Variants in USP46 observed in about 807,000 individuals in gnomAD.
USP46 encodes the protein ubiquitin carboxyl-terminal hydrolase 46.
A neutral mutation model predicts 44.4 loss-of-function variants in USP46; 12 were observed. The ratio of observed to expected loss-of-function variants is 0.27; its 90% CI spans 0.17 to 0.44. The LOEUF (loss-of-function observed/expected upper bound fraction) is 0.44, where lower values mean the gene tolerates loss of function less well. Among genes scored for constraint, USP46 ranks in the 20% least tolerant of loss-of-function variants. USP46 has a pLI of 1.00. For synonymous variants in USP46, 155 were observed against 161.5 expected (o/e 0.96, Z 0.31); for missense variants, 248 against 444.8 (o/e 0.56, Z 3.98).
At chr4:52,638,542 T>G (rs1471416208) in intron 1 of USP46, among the ~76,000 whole-genome samples, 1 of 151,524 alleles carries the variant, frequency 6.6e-6, no homozygotes, top group Non-Finnish European at 1.5e-5. Flanking sequence ...TCCCCACTCA[T>G]AGCATCCTGT....
At chr4:52,619,117 G>A (rs893751285) in intron 4 of USP46, among the ~76,000 whole-genome samples, 2 of 152,176 alleles carry the variant, frequency 1.3e-5, no homozygotes, top group Non-Finnish European at 1.5e-5. Flanking sequence ...CAAGGCTACA[G>A]TGGAAAATCC....
Position 52,596,240 on chromosome 4 carries a change from T to C in USP46, c.*1400A>G, listed in dbSNP as rs1716232961. On this transcript the variant is annotated 3_prime_UTR_variant, in exon 9 of 9. Transcript: ENST00000441222. The stretch of plus-strand genomic sequence containing the variant: ...TGCCCAAAGTTTGCATGTTCATCAG[T>C]GGATGCATTAGGTAACAAAAATATG... The C allele has an allele frequency of 2.0e-5, 3 of 152,662 alleles. No homozygotes were observed. The highest frequency in any genetic ancestry group is 2.1e-4 in the South Asian group (1 of 4,836). 9.5% of individuals were successfully genotyped at this position (152,662 alleles called of 1,614,324 possible).
At chr4:52,633,577 C>T (rs943126882) in intron 1 of USP46, among the ~76,000 whole-genome samples, 2 of 152,142 alleles carry the variant, frequency 1.3e-5, no homozygotes, top group African/African-American at 4.8e-5. Flanking sequence ...CATAACCATT[C>T]TTCAAGCAAA....
chr4:52,657,601 A>T (rs1719003312), intron 1 of USP46, among the ~76,000 whole-genome samples: 1 of 152,218 alleles, frequency 6.6e-6, no homozygotes, highest in Non-Finnish European at 1.5e-5. Context: ...TCCCTCAGGA[A>T]CTGGTCGTAG....
intron 3 of USP46, among the ~76,000 whole-genome samples, chr4:52,627,012 G>A (rs923069949): frequency 1.3e-5 from 2 of 152,230 alleles, no homozygotes; most frequent in Non-Finnish European, 2.9e-5. Context: ...GAAGGGAGAT[G>A]AGGGTATGTG....
intron 2 of USP46, 112 bp from the exon 3 acceptor site, chr4:52,628,275 T>C (rs569777227): frequency 1.4e-5 from 14 of 974,250 alleles, no homozygotes; most frequent in African/African-American, 1.2e-4. Context: ...TGGATGTCCC[T>C]GTATTGGAGT....
At chr4:52,637,814 A>G (rs1408739810) in intron 1 of USP46, among the ~76,000 whole-genome samples, 2 of 151,862 alleles carry the variant, frequency 1.3e-5, no homozygotes, top group Non-Finnish European at 2.9e-5. Flanking sequence ...GCTGTTTCCA[A>G]CCTCATCTCC....
chr4:52,600,106 T>TA (rs1464607404), intron 7 of USP46, among the ~76,000 whole-genome samples: 1 of 152,124 alleles, frequency 6.6e-6, no homozygotes, highest in Non-Finnish European at 1.5e-5. Context: ...TTTTTGGGGG[T>TA]AGCAGGGTGG....
At chr4:52,633,645 G>C (rs1343152869) in intron 1 of USP46, among the ~76,000 whole-genome samples, 1 of 152,182 alleles carries the variant, frequency 6.6e-6, no homozygotes, top group Non-Finnish European at 1.5e-5. Flanking sequence ...TATAGCACAT[G>C]GAGAGAGATA....
At chr4:52,653,430 A>G (rs1465174502) in intron 1 of USP46, among the ~76,000 whole-genome samples, 3 of 147,920 alleles carry the variant, frequency 2.0e-5, no homozygotes, top group African/African-American at 7.5e-5. Context: ...ACTTGAATCC[A>G]GGAGGCAGAG....
rs1266825657 is a variant in USP46 at position 52,625,956 on chromosome 4, A to T, written c.561+62T>A. 2.1e-6 allele frequency: 3 copies of T among 1,449,766 alleles called. No individual in the cohort carries two copies. The African/African-American group carries it at 4.2e-5, about 21-fold the overall frequency. 89.8% of individuals were successfully genotyped at this position (1,449,766 alleles called of 1,614,324 possible). Reference sequence around the variant, plus strand: ...TGCTATAATACGACATTGCAATCACATGCAACATAGCGTACATAAATATGA... The same window carrying T: ...TGCTATAATACGACATTGCAATCACTTGCAACATAGCGTACATAAATATGA... On this transcript the variant is annotated intron_variant, in intron 4 of 8. Transcript: ENST00000441222.
intron 1 of USP46, among the ~76,000 whole-genome samples, chr4:52,633,057 T>C (rs1436172075): frequency 6.6e-6 from 1 of 151,844 alleles, no homozygotes; most frequent in African/African-American, 2.4e-5. Context: ...TTTTTAAAAA[T>C]TGATCTGCTG....
At chr4:52,645,721 C>T (rs1431276843) in intron 1 of USP46, among the ~76,000 whole-genome samples, 2 of 152,154 alleles carry the variant, frequency 1.3e-5, no homozygotes, top group African/African-American at 4.8e-5. Context: ...AATCCTAGGT[C>T]AAAGAGGCCT....
intron 4 of USP46, among the ~76,000 whole-genome samples, chr4:52,617,779 G>T (rs1717218064): frequency 6.6e-6 from 1 of 152,060 alleles, no homozygotes; most frequent in South Asian, 2.1e-4. Flanking sequence ...TGCCAGAAAA[G>T]AAAACCATTT....
At chr4:52,651,561 C>T (rs1434796525) in intron 1 of USP46, among the ~76,000 whole-genome samples, 1 of 152,072 alleles carries the variant, frequency 6.6e-6, no homozygotes, top group Non-Finnish European at 1.5e-5. Flanking sequence ...AGTAATTCCA[C>T]CAGTATATAT....
intron 1 of USP46, among the ~76,000 whole-genome samples, chr4:52,642,469 C>T (rs1211323499): frequency 6.6e-6 from 1 of 152,180 alleles, no homozygotes; most frequent in African/African-American, 2.4e-5. Flanking sequence ...AATATTGACT[C>T]TCAGGGAGGC....
intron 8 of USP46, 23 bp downstream of exon 8, chr4:52,598,605 T>C (rs553899320): frequency 4.4e-6 from 7 of 1,598,966 alleles, no homozygotes; most frequent in Middle Eastern, 1.7e-4. Flanking sequence ...CTATGACTAC[T>C]GGAGAATAAT....
chr4:52,640,711 C>A (rs1718305673), intron 1 of USP46, among the ~76,000 whole-genome samples: 1 of 149,748 alleles, frequency 6.7e-6, no homozygotes, highest in Non-Finnish European at 1.5e-5. Context: ...GAGACTGAGG[C>A]AGGGGAATTG....
Position 52,591,136 on chromosome 4 carries a change from C to A in USP46, c.*6504G>T, listed in dbSNP as rs1715992222. The A allele has an allele frequency of 6.6e-6, 1 of 152,202 alleles. No homozygotes were observed. The highest frequency in any genetic ancestry group is 1.5e-5 in the Non-Finnish European group (1 of 68,042). The allele number at this position is 152,202 out of a possible 1,614,324, so 9.4% of individuals were successfully genotyped here. On this transcript the variant is annotated 3_prime_UTR_variant, in exon 9 of 9. Transcript: ENST00000441222. ...TGAAGTACAGAGCTATCACCTGCTG[C>A]AGGAGGTGTGAAGGCTCATTCTTAA...
Sources: allele counts gnomAD v4.1 joint callset (sites outside exome capture counted in the v4.1 genomes callset), GRCh38; gene constraint gnomAD v4.1.1; transcripts MANE v1.5; gene names NCBI Gene and HGNC (gene_info 2026-07-23, HGNC 2026-07-21).